Variants in SYNDIG1L observed in about 807,000 individuals in gnomAD.
SYNDIG1L encodes synapse differentiation inducing 1 like.
SYNDIG1L carries 13 observed loss-of-function variants against 20.1 expected under a neutral mutation model. The ratio of observed to expected loss-of-function variants is 0.65; its 90% CI spans 0.42 to 1.03. The LOEUF (loss-of-function observed/expected upper bound fraction) is 1.03, where lower values mean the gene tolerates loss of function less well. Ranked by LOEUF, SYNDIG1L falls within the 50% of genes least tolerant of loss-of-function variation. The pLI is 0.00. For synonymous variants in SYNDIG1L, 128 were observed against 129.3 expected (o/e 0.99, Z 0.07); for missense variants, 294 against 305.1 (o/e 0.96, Z 0.27).
At chr14:74,410,071 G>A (rs1471474760) in intron 1 of SYNDIG1L, among the ~76,000 whole-genome samples, 1 of 152,208 alleles carries the variant, frequency 6.6e-6, no homozygotes, top group Non-Finnish European at 1.5e-5. Context: ...CTATATGCCA[G>A]GCACTGTACT....
the SYNDIG1L span, among the ~76,000 whole-genome samples, chr14:74,432,178 TGTGAGA>T: frequency 1.5e-5 from 2 of 130,182 alleles, no homozygotes; most frequent in Admixed American, 7.7e-5. Flanking sequence ...TGTGTGTGTG[TGTGAGA>T]GAGAGAGAGA....
At chr14:74,468,557 C>T in the SYNDIG1L span, among the ~76,000 whole-genome samples, 2 of 152,138 alleles carry the variant, frequency 1.3e-5, no homozygotes, top group African/African-American at 2.4e-5. Flanking sequence ...AATGTTCCTG[C>T]ATGGACCCTG....
upstream of SYNDIG1L, among the ~76,000 whole-genome samples, chr14:74,427,938 GC>G (rs1167122515): frequency 6.6e-6 from 1 of 152,222 alleles, no homozygotes; most frequent in African/African-American, 2.4e-5. Flanking sequence ...TGTGCTCCAT[GC>G]CTGGGCTGCA....
At chr14:74,414,780 T>G (rs1275251691) in intron 1 of SYNDIG1L, among the ~76,000 whole-genome samples, 2 of 152,136 alleles carry the variant, frequency 1.3e-5, no homozygotes, top group Non-Finnish European at 2.9e-5. Flanking sequence ...GGTAATAGAA[T>G]AACAACAGGA....
the SYNDIG1L span, among the ~76,000 whole-genome samples, chr14:74,451,207 T>C: frequency 6.6e-6 from 1 of 152,160 alleles, no homozygotes; most frequent in African/African-American, 2.4e-5. Flanking sequence ...CAGTGAGGTG[T>C]TGGCATCAAG....
the SYNDIG1L span, among the ~76,000 whole-genome samples, chr14:74,469,997 AT>A: frequency 1.3e-5 from 2 of 152,274 alleles, no homozygotes; most frequent in Middle Eastern, 3.4e-3. Context: ...TGCAGCCAAC[AT>A]GGTTACAACC....
upstream of SYNDIG1L, among the ~76,000 whole-genome samples, chr14:74,428,645 G>C (rs1028818676): frequency 6.6e-6 from 1 of 152,124 alleles, no homozygotes; most frequent in Non-Finnish European, 1.5e-5. Context: ...AGGCTTCCTG[G>C]AGAAGGTCTG....
the SYNDIG1L span, among the ~76,000 whole-genome samples, chr14:74,475,531 A>C: frequency 4.6e-5 from 7 of 151,866 alleles, no homozygotes; most frequent in Non-Finnish European, 7.4e-5. Flanking sequence ...GGAAGTGCTC[A>C]ACTGTCCTGT....
upstream of SYNDIG1L, among the ~76,000 whole-genome samples, chr14:74,427,034 A>C (rs2086272333): frequency 6.6e-6 from 1 of 151,712 alleles, no homozygotes; most frequent in South Asian, 2.1e-4. Flanking sequence ...TTTTCCCAGC[A>C]AGAGCCCTGA....
intron 1 of SYNDIG1L, among the ~76,000 whole-genome samples, chr14:74,424,712 G>C (rs183715450): frequency 6.6e-6 from 1 of 152,124 alleles, no homozygotes; most frequent in South Asian, 2.1e-4. Flanking sequence ...GGGGGTAGGG[G>C]TGACAATAAT....
At chr14:74,413,613 T>C (rs2086150658) in intron 1 of SYNDIG1L, among the ~76,000 whole-genome samples, 1 of 151,646 alleles carries the variant, frequency 6.6e-6, no homozygotes, top group African/African-American at 2.4e-5. Flanking sequence ...TTTTTTTTTT[T>C]ACAATGAGCA....
the SYNDIG1L span, chr14:74,479,301 C>G: frequency 6.6e-6 from 1 of 152,172 alleles, no homozygotes; most frequent in Non-Finnish European, 1.5e-5. Flanking sequence ...AGAACTGGAT[C>G]AAATCAATCA....
the SYNDIG1L span, among the ~76,000 whole-genome samples, chr14:74,445,027 C>T: frequency 6.6e-6 from 1 of 152,146 alleles, no homozygotes; most frequent in African/African-American, 2.4e-5. Context: ...GAGGTGGGGC[C>T]TAGTGGGAGG....
At chr14:74,451,265 T>C in the SYNDIG1L span, among the ~76,000 whole-genome samples, 1 of 152,160 alleles carries the variant, frequency 6.6e-6, no homozygotes, top group African/African-American at 2.4e-5. Flanking sequence ...TAAATACATA[T>C]ATGAACAACT....
At chr14:74,413,011 G>A (rs1256832717) in intron 1 of SYNDIG1L, among the ~76,000 whole-genome samples, 2 of 152,160 alleles carry the variant, frequency 1.3e-5, no homozygotes, top group African/African-American at 2.4e-5. Context: ...CCTGCCCTAC[G>A]CTCTGTCTCA....
At chr14:74,430,490 C>T (rs1481362774), upstream of SYNDIG1L, among the ~76,000 whole-genome samples, 1 of 151,584 alleles carries the variant, frequency 6.6e-6, no homozygotes, top group African/African-American at 2.4e-5. Context: ...GGCTAGAGTG[C>T]AATGGCATGA....
At chr14:74,431,786 A>G in the SYNDIG1L span, among the ~76,000 whole-genome samples, 2 of 152,198 alleles carry the variant, frequency 1.3e-5, no homozygotes, top group African/African-American at 4.8e-5. Context: ...CCACCCTCAG[A>G]TGGAATGTGA....
At chr14:74,462,449 A>G in the SYNDIG1L span, among the ~76,000 whole-genome samples, 10 of 152,078 alleles carry the variant, frequency 6.6e-5, no homozygotes, top group East Asian at 1.9e-3. Context: ...ACGCCACTGC[A>G]CTCCAGCCTG....
chr14:74,477,974 C>T, the SYNDIG1L span, among the ~76,000 whole-genome samples: 2 of 152,230 alleles, frequency 1.3e-5, no homozygotes, highest in Non-Finnish European at 2.9e-5. Context: ...ACCTAGCTCA[C>T]GGCTGCAGGC....
Sources: gnomAD v4.1 joint callset for allele counts (sites outside exome capture counted in the v4.1 genomes callset) on GRCh38, gnomAD v4.1.1 for gene constraint, MANE v1.5 for transcripts, NCBI Gene and HGNC (gene_info 2026-07-23, HGNC 2026-07-21) for gene names.